The following POLE variants were observed in gnomAD, a reference collection of about 807,000 sequenced individuals.
The protein encoded by POLE is DNA polymerase epsilon, catalytic subunit.
Under a neutral mutation model 279.2 loss-of-function variants are expected in POLE, and 188 were observed. That is an observed-to-expected ratio of 0.67 (90% confidence interval 0.60 to 0.76). POLE has a LOEUF of 0.76. POLE is among the 30% of genes least tolerant of loss of function. The pLI, the probability that POLE is intolerant of heterozygous loss-of-function variation, is 0.00. For missense variants in POLE, 2,703 were observed against 3,016.7 expected, an observed-to-expected ratio of 0.90 and a Z score of 2.44; for synonymous variants, 1,214 against 1,172.5, an observed-to-expected ratio of 1.04 and a Z score of -0.72.
Position 132,680,008 on chromosome 12 carries a change from C to T in POLE, c.369G>A (p.Lys123=), listed in dbSNP as rs1328407908. The T allele has an allele frequency of 2.5e-6, 4 of 1,614,030 alleles. No individual in the cohort carries two copies. Among genetic ancestry groups the T allele is most frequent in the South Asian group, 1.1e-5 (1 of 91,068 alleles). ...CCACTTTTGCAATTTTGCCCTGAAA[C>T]TTCTTGGAGAGAAAAGATGAAACTT... ...EREVSSFLSK[K]FQGKIAKVET... The change falls in exon 5 of 49, where the codon AAG becomes AAA. Residue 123 remains lysine (K), a synonymous_variant. Coordinates refer to ENST00000320574, the MANE Select transcript of POLE (RefSeq NM_006231.4).
chr12:132,627,970 T>G (rs953664269), intron 45 of POLE, among the ~76,000 whole-genome samples: 1 of 152,238 alleles, frequency 6.6e-6, no homozygotes, highest in Non-Finnish European at 1.5e-5. Context: ...CCTCTCAAAT[T>G]CTGCTGCTGC....
At chr12:132,651,284 C>T (rs1469593962) in intron 29 of POLE, 2 of 152,190 alleles carry the variant, frequency 1.3e-5, no homozygotes, top group East Asian at 1.9e-4. Context: ...ATCATATAAA[C>T]ACATCAGCCT....
Position 132,675,828 on chromosome 12 carries a change from C to T in POLE, c.1021-8G>A. ...CCTTTGGATCAGATGAGCCTGAACCCAAGTCACAGCAGTCAGAGGTCTGCT... is the reference window on the plus strand; with the variant it reads ...CCTTTGGATCAGATGAGCCTGAACCTAAGTCACAGCAGTCAGAGGTCTGCT... On this transcript the variant is annotated splice_region_variant and splice_polypyrimidine_tract_variant and intron_variant, in intron 10 of 48. Transcript: ENST00000320574. The surrounding 1 kb of genome is among the most constrained non-coding windows in gnomAD (Gnocchi z 4.3). 1 of 1,607,560 alleles carries T rather than the reference C, an allele frequency of 6.2e-7. No individual in the cohort carries two copies. Among genetic ancestry groups the T allele is most frequent in the Non-Finnish European group, 8.5e-7 (1 of 1,174,002 alleles).
rs746201292 is a variant in POLE, at chr12:132,680,732, CAGTT to C, written c.205-49_205-46del. 19 of 1,458,444 alleles carry C rather than the reference CAGTT, an allele frequency of 1.3e-5. No individual in the cohort carries two copies. Among genetic ancestry groups the C allele is most frequent in the South Asian group, 1.1e-4 (10 of 87,328 alleles). 90.3% of individuals were successfully genotyped at this position (1,458,444 alleles called of 1,614,324 possible). ...CACAGACACAAGACCATCCTCTACA[CAGTT>C]AGAGAAACTTTCCTCCTACCTTTCG... On this transcript the variant is annotated intron_variant, in intron 2 of 48. Transcript: ENST00000320574.
At position 132,668,687 on chromosome 12, in the gene POLE, C is replaced by G; in HGVS notation, c.1974G>C (p.Lys658Asn). 1 of 1,614,042 alleles carries G rather than the reference C, an allele frequency of 6.2e-7. No homozygotes were observed. Among genetic ancestry groups the G allele is most frequent in the Non-Finnish European group, 8.5e-7 (1 of 1,179,944 alleles). Residue 658 changes from lysine to asparagine, a missense_variant, in exon 18 of 49, where the codon AAG becomes AAC. By Grantham distance (94) the Lys-to-Asn change is moderately conservative. Transcript: ENST00000320574. The surrounding 1 kb of genome is among the most constrained non-coding windows in gnomAD (Gnocchi z 4.0). ...TCTTCCGCTGGCAGTTTGCTCCAGGCTTATTGAAGTCACAGGCAGCACAGG... is the reference window on the plus strand; with the variant it reads ...TCTTCCGCTGGCAGTTTGCTCCAGGGTTATTGAAGTCACAGGCAGCACAGG... The part of the protein sequence containing the change: ...EATCAACDFN[K>N]PGANCQRKMA...
intron 45 of POLE, among the ~76,000 whole-genome samples, chr12:132,630,099 G>A (rs1016740813): frequency 1.3e-5 from 2 of 152,196 alleles, no homozygotes; most frequent in Non-Finnish European, 2.9e-5. Flanking sequence ...CACGGTTCAT[G>A]GCGCCCCAAA....
intron 16 of POLE, among the ~76,000 whole-genome samples, chr12:132,671,160 G>A (rs2042919008): frequency 1.3e-5 from 2 of 151,368 alleles, no homozygotes; most frequent in Non-Finnish European, 1.5e-5. Context: ...CTACTCAGGA[G>A]GCTGAGACAG....
Position 132,681,180 on chromosome 12 carries a change from C to T in POLE, c.162G>A (p.Lys54=), listed in dbSNP as rs112796325. The change falls in exon 2 of 49, where the codon AAG becomes AAA. Residue 54 remains lysine (K), a synonymous_variant. Transcript: ENST00000320574. The part of the protein sequence containing the change: ...MDLRFGFERL[K]EPGEKTGWLI... ...GCCAGCCTGTCTTCTCACCAGGCTC[C>T]TTCAGCCGCTCAAAACCAAACCGCA... 3.1e-6 allele frequency: 5 copies of T among 1,614,124 alleles called. No homozygotes were observed.
intron 32 of POLE, among the ~76,000 whole-genome samples, chr12:132,645,225 G>A (rs1426148500): frequency 7.8e-6 from 1 of 128,166 alleles, no homozygotes; most frequent in African/African-American, 2.9e-5. Flanking sequence ...GTGGGGTCCT[G>A]GGGGGTCTGG....
intron 16 of POLE, among the ~76,000 whole-genome samples, chr12:132,669,824 C>T (rs1017100266): frequency 1.3e-5 from 2 of 152,214 alleles, no homozygotes; most frequent in Admixed American, 6.5e-5. Context: ...AGCCACCCTC[C>T]GCCCAACAGG....
rs573961390 is a variant in POLE, at chr12:132,661,233, T to C, written c.2865-69A>G. Reference sequence around the variant, plus strand: ...CTGGGGAGCCACCAGCTGTGCCTCATCCTCTCTGCCCGCCTCTTCCCTTTC... The same window carrying C: ...CTGGGGAGCCACCAGCTGTGCCTCACCCTCTCTGCCCGCCTCTTCCCTTTC... On this transcript the variant is annotated intron_variant, in intron 24 of 48. Coordinates refer to ENST00000320574, the MANE Select transcript of POLE (RefSeq NM_006231.4). This position sits in a 1 kb window ranked among gnomAD's most constrained non-coding sequence, Gnocchi z 4.1. The C allele has an allele frequency of 4.3e-6, 6 of 1,384,374 alleles. No homozygotes were observed. Among genetic ancestry groups the C allele is most frequent in the African/African-American group, 2.9e-5 (2 of 68,562 alleles). The allele number at this position is 1,384,374 out of a possible 1,614,324, so 85.8% of individuals were successfully genotyped here.
intron 29 of POLE, among the ~76,000 whole-genome samples, chr12:132,652,926 G>A (rs959665980): frequency 1.2e-4 from 19 of 152,096 alleles, no homozygotes; most frequent in Admixed American, 1.3e-4. Context: ...CGTCTGTCAA[G>A]TTCTATCCAA....
chr12:132,641,940 C>T (rs1238529399), intron 38 of POLE, 89 bp from the exon 39 acceptor site: 1 of 1,285,814 alleles, frequency 7.8e-7, no homozygotes, highest in Non-Finnish European at 1.1e-6. Context: ...CCACCACCTC[C>T]AGAACCAGCA....
rs1272947574 is a variant in POLE, at chr12:132,673,849, G to A, written c.1227-142C>T. ...GGAGCCTCACACCAAGGCCCCACAT[G>A]GTGTAGACACCTTGTGAAAACCCTT... On this transcript the variant is annotated intron_variant, in intron 12 of 48. Transcript: ENST00000320574. 4.7e-6 allele frequency: 4 copies of A among 854,496 alleles called. No individual in the cohort carries two copies. In the African/African-American group the frequency reaches 6.7e-5, roughly 14 times the overall value. 52.9% of individuals were successfully genotyped at this position (854,496 alleles called of 1,614,324 possible).
At chr12:132,655,529 TTGC>T (rs1378845999) in intron 29 of POLE, among the ~76,000 whole-genome samples, 2 of 152,358 alleles carry the variant, frequency 1.3e-5, no homozygotes, top group African/African-American at 4.8e-5. Context: ...AAACATATTT[TTGC>T]TGATTTTTGG....
rs1241114520 is a variant in POLE at position 132,687,270 on chromosome 12, C to T, written c.46G>A (p.Asp16Asn). The T allele has an allele frequency of 6.7e-7, 1 of 1,501,624 alleles. No homozygotes were observed. The highest frequency in any genetic ancestry group is 1.2e-5 in the South Asian group (1 of 80,512). The allele number at this position is 1,501,624 out of a possible 1,614,324, so 93.0% of individuals were successfully genotyped here. Residue 16 changes from aspartate to asparagine, a missense_variant, in exon 1 of 49, where the codon GAT (aspartate) becomes AAT (asparagine). Coordinates refer to ENST00000320574, the MANE Select transcript of POLE (RefSeq NM_006231.4). The stretch of plus-strand genomic sequence containing the variant: ...GCCCCTCACCTGCTGGCCTCGCCAT[C>T]CGCGCCTGGGTCCGCGCGCCGCCGC... ...GGRRRADPGADGEASRDDGAT... is the reference protein window; with the variant it reads ...GGRRRADPGANGEASRDDGAT...
chr12:132,650,969 G>A (rs59292205), intron 29 of POLE: 77,625 of 147,744 alleles, frequency 0.53, 20,898 homozygotes, highest in East Asian at 0.71. Flanking sequence ...TCGCCTCCTG[G>A]GTTCAAGCAA....
intron 42 of POLE, among the ~76,000 whole-genome samples, chr12:132,635,583 G>A (rs923134037): frequency 1.3e-5 from 2 of 152,252 alleles, no homozygotes; most frequent in Non-Finnish European, 2.9e-5. Flanking sequence ...GTGTCCATCC[G>A]CTGGAGGCGC....
At position 132,680,174 on chromosome 12, in the gene POLE, T is replaced by A; in HGVS notation, c.330+4A>T. The A allele has an allele frequency of 2.5e-6, 4 of 1,613,918 alleles. No homozygotes were observed. Among genetic ancestry groups the A allele is most frequent in the Non-Finnish European group, 3.4e-6 (4 of 1,179,836 alleles). ...TCTGACCTGAGTCTATGAAACACAC[T>A]CACCTTTCTGGTCGCAATGTAGAAA... On this transcript the variant is annotated splice_donor_region_variant and intron_variant, in intron 4 of 48. Coordinates refer to ENST00000320574, the MANE Select transcript of POLE (RefSeq NM_006231.4).
Sources: gnomAD v4.1 joint callset for allele counts (sites outside exome capture counted in the v4.1 genomes callset) on GRCh38, gnomAD v4.1.1 for gene constraint, Gnocchi (gnomAD v3.1) non-coding constraint, MANE v1.5 for transcripts, NCBI Gene and HGNC (gene_info 2026-07-23, HGNC 2026-07-21) for gene names.